Variants in FBXL17 observed in about 807,000 individuals in gnomAD.
The protein encoded by FBXL17 is F-box and leucine rich repeat protein 17.
A neutral mutation model predicts 66.2 loss-of-function variants in FBXL17; 22 were observed. The ratio of observed to expected loss-of-function variants is 0.33; its 90% CI spans 0.24 to 0.47. The LOEUF is 0.47. FBXL17 is among the 20% of genes least tolerant of loss of function. FBXL17 has a pLI of 1.00. For missense variants in FBXL17, 878 were observed against 948.2 expected, an observed-to-expected ratio of 0.93 and a Z score of 0.97; for synonymous variants, 474 against 400.5, an observed-to-expected ratio of 1.18 and a Z score of -2.19.
At chr5:107,940,347 A>G (rs929990833) in intron 7 of FBXL17, among the ~76,000 whole-genome samples, 23 of 152,164 alleles carry the variant, frequency 1.5e-4, no homozygotes, top group African/African-American at 5.3e-4. Flanking sequence ...CAACTACCAC[A>G]TAAACTCAGT....
At chr5:107,879,099 T>C (rs1178858447) in intron 8 of FBXL17, 4 of 985,356 alleles carry the variant, frequency 4.1e-6, no homozygotes, top group Admixed American at 6.1e-5. Context: ...TCAGCAAATA[T>C]GTCTGGAATA....
At chr5:108,011,197 A>G (rs1217401906) in intron 7 of FBXL17, among the ~76,000 whole-genome samples, 1 of 152,252 alleles carries the variant, frequency 6.6e-6, no homozygotes, top group African/African-American at 2.4e-5. Context: ...GTCTAACATT[A>G]GTAGGCTAAT....
At chr5:107,980,665 T>TATATATA (rs1363335386) in intron 7 of FBXL17, among the ~76,000 whole-genome samples, 1 of 79,180 alleles carries the variant, frequency 1.3e-5, no homozygotes, top group African/African-American at 9.0e-5. Context: ...TATATATATA[T>TATATATA]TTTTTTTTTG....
rs529957441 is a variant in FBXL17, at chr5:108,112,570, T to C, written c.1745+73547A>G. On this transcript the variant is annotated intron_variant, in intron 6 of 8. Transcript: ENST00000542267. ...ACGTTGGTCATCTGGTCAAAATTAC[T>C]AGGCATGAAAAGAAACAGGAAAACA... Among the ~76,000 whole-genome samples, 41 of 152,220 alleles carry C rather than the reference T, an allele frequency of 2.7e-4. No individual in the cohort carries two copies. In the South Asian group the frequency reaches 8.1e-3, roughly 30 times the overall value.
intron 7 of FBXL17, among the ~76,000 whole-genome samples, chr5:107,894,139 CTT>C (rs1561520896): frequency 6.6e-6 from 1 of 152,132 alleles, no homozygotes; most frequent in Non-Finnish European, 1.5e-5. Flanking sequence ...ATCTAATAAA[CTT>C]TTACTTACAG....
intron 8 of FBXL17, among the ~76,000 whole-genome samples, chr5:107,872,714 C>T (rs1261390572): frequency 6.6e-6 from 1 of 152,208 alleles, no homozygotes; most frequent in African/African-American, 2.4e-5. Flanking sequence ...GGTAAAAATT[C>T]ACCACCACAA....
intron 5 of FBXL17, among the ~76,000 whole-genome samples, chr5:108,208,659 C>T (rs943091604): frequency 7.9e-5 from 12 of 152,058 alleles, no homozygotes; most frequent in Non-Finnish European, 1.6e-4. Flanking sequence ...TGTTCTGTTC[C>T]ACTGGTCTAT....
intron 7 of FBXL17, among the ~76,000 whole-genome samples, chr5:107,944,064 T>C (rs1751203481): frequency 6.6e-6 from 1 of 152,208 alleles, no homozygotes; most frequent in African/African-American, 2.4e-5. Flanking sequence ...ATGTGAATAA[T>C]TCATTTTCAT....
chr5:108,377,602 A>T (rs576089770), intron 1 of FBXL17, among the ~76,000 whole-genome samples: 1 of 152,316 alleles, frequency 6.6e-6, no homozygotes, highest in South Asian at 2.1e-4. Context: ...TTTTCCTAAG[A>T]ATAAATGTTT....
At chr5:107,905,556 T>A (rs1240495205) in intron 7 of FBXL17, among the ~76,000 whole-genome samples, 1 of 152,132 alleles carries the variant, frequency 6.6e-6, no homozygotes, top group Non-Finnish European at 1.5e-5. Flanking sequence ...TTGTGAAAAA[T>A]GACTCTTCAA....
At chr5:108,161,293 G>C (rs901264487) in intron 6 of FBXL17, among the ~76,000 whole-genome samples, 1 of 151,952 alleles carries the variant, frequency 6.6e-6, no homozygotes, top group African/African-American at 2.4e-5. Context: ...CACCAGCCTC[G>C]GCAACACAGT....
At chr5:108,029,682 T>C (rs1207358760) in intron 6 of FBXL17, among the ~76,000 whole-genome samples, 2 of 152,076 alleles carry the variant, frequency 1.3e-5, no homozygotes, top group Non-Finnish European at 2.9e-5. Context: ...TAAAAAAGAA[T>C]GTGACAATAA....
chr5:108,375,238 A>C (rs760617258), intron 1 of FBXL17, among the ~76,000 whole-genome samples: 16 of 152,140 alleles, frequency 1.1e-4, no homozygotes, highest in Non-Finnish European at 2.1e-4. Context: ...ATGCCTGTGC[A>C]CCCAGCTACT....
At chr5:108,154,457 G>T (rs947481627) in intron 6 of FBXL17, among the ~76,000 whole-genome samples, 5 of 150,942 alleles carry the variant, frequency 3.3e-5, no homozygotes, top group Non-Finnish European at 7.4e-5. Flanking sequence ...GGGCGTGGTG[G>T]TGTATGCCTG....
At chr5:108,355,260 C>CTTTA (rs144119979) in intron 3 of FBXL17, among the ~76,000 whole-genome samples, 15,879 of 141,374 alleles carry the variant, frequency 0.11, 942 homozygotes, top group South Asian at 0.15. Context: ...GGATGAAAAA[C>CTTTA]TTTATTTATT....
At chr5:107,914,106 C>T (rs76797986) in intron 7 of FBXL17, among the ~76,000 whole-genome samples, 1 of 151,872 alleles carries the variant, frequency 6.6e-6, no homozygotes, top group South Asian at 2.1e-4. Flanking sequence ...TCCAGTAAAA[C>T]GGTGAAATGA....
Position 108,057,279 on chromosome 5 carries a change from C to T in FBXL17, c.1746-36278G>A, listed in dbSNP as rs115263002. On this transcript the variant is annotated intron_variant, in intron 6 of 8. Coordinates refer to ENST00000542267, the MANE Select transcript of FBXL17 (RefSeq NM_001163315.3). ...TAATTTGAAAACACATTAAAATAGC[C>T]AGAGCAAAACTGTAATACCAATAAT... Among the ~76,000 whole-genome samples the T allele has an allele frequency of 4.4e-3, 662 of 152,008 alleles. 6 individuals carry two copies. Among genetic ancestry groups the T allele is most frequent in the Middle Eastern group, 0.021 (6 of 292 alleles).
chr5:108,302,587 T>C (rs745692647), intron 4 of FBXL17, among the ~76,000 whole-genome samples: 4 of 151,800 alleles, frequency 2.6e-5, no homozygotes, highest in South Asian at 2.1e-4. Context: ...GTAATTAAGA[T>C]AATTTTCCTC....
At chr5:108,130,779 T>TA (rs1227879650) in intron 6 of FBXL17, among the ~76,000 whole-genome samples, 5 of 152,094 alleles carry the variant, frequency 3.3e-5, no homozygotes, top group Admixed American at 6.5e-5. Flanking sequence ...ACAACCACAT[T>TA]AGCCAGGTGT....
Sources: gnomAD v4.1 joint callset for allele counts (sites outside exome capture counted in the v4.1 genomes callset) on GRCh38, gnomAD v4.1.1 for gene constraint, MANE v1.5 for transcripts, NCBI Gene and HGNC (gene_info 2026-07-23, HGNC 2026-07-21) for gene names.